Variants in PPP1R9A observed in about 807,000 individuals in gnomAD.
PPP1R9A encodes protein phosphatase 1 regulatory subunit 9A, also known as neurabin-1.
A neutral mutation model predicts 141.9 loss-of-function variants in PPP1R9A; 59 were observed. The ratio of observed to expected loss-of-function variants is 0.42; its 90% CI spans 0.34 to 0.52. PPP1R9A has a LOEUF of 0.52. PPP1R9A is among the 20% of genes least tolerant of loss of function. The pLI is 0.10. For synonymous variants in PPP1R9A, 500 were observed against 569.7 expected (o/e 0.88, Z 1.74); for missense variants, 1,444 against 1,611.9 (o/e 0.90, Z 1.78).
At position 95,090,973 on chromosome 7, in the gene PPP1R9A, A is replaced by G. The variant is rs575856315; in HGVS notation, c.1396-20286A>G. 2.8e-4 allele frequency among the ~76,000 whole-genome samples: 42 copies of G among 152,168 alleles called. No homozygotes were observed. The South Asian group carries it at 8.7e-3, about 31-fold the overall frequency. ...TTTCTGTGTCACTGAATAACCTTAT[A>G]GAGCATGATTTTTAGGATACATCTA... On this transcript the variant is annotated intron_variant, in intron 2 of 19. Coordinates refer to ENST00000433360, the MANE Select transcript of PPP1R9A (RefSeq NM_001166160.2).
chr7:94,926,363 A>G (rs1190500087), intron 2 of PPP1R9A, among the ~76,000 whole-genome samples: 1 of 152,194 alleles, frequency 6.6e-6, no homozygotes, highest in Non-Finnish European at 1.5e-5. Context: ...TTGAGATATA[A>G]CTATGGAAGC....
At chr7:95,273,092 T>G (rs1257465713) in intron 14 of PPP1R9A, among the ~76,000 whole-genome samples, 1 of 152,128 alleles carries the variant, frequency 6.6e-6, no homozygotes, top group African/African-American at 2.4e-5. Flanking sequence ...TGAACTCCAT[T>G]TGCAAAGCCT....
chr7:95,155,555 G>C (rs1283257050), intron 4 of PPP1R9A: 1 of 152,072 alleles, frequency 6.6e-6, no homozygotes, highest in African/African-American at 2.4e-5. Flanking sequence ...AGCTCCTGAA[G>C]TACATTTCTG....
chr7:95,119,933 A>G (rs1822229437), intron 3 of PPP1R9A, among the ~76,000 whole-genome samples: 1 of 149,874 alleles, frequency 6.7e-6, no homozygotes. Flanking sequence ...AGCACAGAGG[A>G]AAGTACTCAA....
At chr7:95,169,948 G>A (rs918958771) in intron 5 of PPP1R9A, among the ~76,000 whole-genome samples, 1 of 151,738 alleles carries the variant, frequency 6.6e-6, no homozygotes, top group Non-Finnish European at 1.5e-5. Flanking sequence ...AATAAAAGCA[G>A]TAGATGAAAA....
At chr7:95,221,732 A>T (rs1300462240) in intron 7 of PPP1R9A, among the ~76,000 whole-genome samples, 5 of 151,990 alleles carry the variant, frequency 3.3e-5, no homozygotes, top group African/African-American at 1.2e-4. Context: ...AGAGGGGAAA[A>T]CCATAAAATT....
chr7:94,996,649 A>G (rs1802206565), intron 2 of PPP1R9A, among the ~76,000 whole-genome samples: 1 of 152,276 alleles, frequency 6.6e-6, no homozygotes, highest in Admixed American at 6.5e-5. Flanking sequence ...GATTCAAAGT[A>G]CACATATGTC....
chr7:95,179,031 G>A (rs10271563), intron 5 of PPP1R9A, among the ~76,000 whole-genome samples: 21,770 of 151,838 alleles, frequency 0.14, 1,707 homozygotes, highest in African/African-American at 0.19. Flanking sequence ...CTATGAAGCC[G>A]GCATCACCCT....
intron 14 of PPP1R9A, among the ~76,000 whole-genome samples, chr7:95,273,341 C>CT (rs1802529355): frequency 1.3e-5 from 2 of 152,230 alleles, no homozygotes; most frequent in South Asian, 4.1e-4. Flanking sequence ...ATGTCCTCCC[C>CT]TCCTCTGTTC....
intron 5 of PPP1R9A, among the ~76,000 whole-genome samples, chr7:95,181,372 A>C (rs1236350977): frequency 7.3e-6 from 1 of 137,138 alleles, no homozygotes; most frequent in Non-Finnish European, 1.5e-5. Context: ...TATGTATGGA[A>C]TATATAGAGA....
chr7:95,283,184 T>A (rs1353127706), intron 16 of PPP1R9A, among the ~76,000 whole-genome samples: 5 of 152,208 alleles, frequency 3.3e-5, no homozygotes, highest in African/African-American at 1.2e-4. Flanking sequence ...CAAAAGATAA[T>A]TACAGATATG....
intron 8 of PPP1R9A, among the ~76,000 whole-genome samples, chr7:95,240,950 G>A (rs1797364273): frequency 7.5e-4 from 1 of 1,336 alleles, no homozygotes; most frequent in Admixed American, 0.01. Flanking sequence ...TCTTTTAGTA[G>A]GTTAGTCAGT....
chr7:95,091,764 T>C (rs970617757), intron 2 of PPP1R9A, among the ~76,000 whole-genome samples: 1 of 151,870 alleles, frequency 6.6e-6, no homozygotes, highest in South Asian at 2.1e-4. Flanking sequence ...GGGCAGGGCA[T>C]GTGTTGTTTA....
At chr7:94,949,644 A>G (rs546079346) in intron 2 of PPP1R9A, among the ~76,000 whole-genome samples, 1 of 152,176 alleles carries the variant, frequency 6.6e-6, no homozygotes, top group South Asian at 2.1e-4. Flanking sequence ...GAGCCTTTTA[A>G]TGACAGTGCT....
intron 2 of PPP1R9A, among the ~76,000 whole-genome samples, chr7:94,966,732 G>A (rs1798259438): frequency 6.6e-6 from 1 of 152,144 alleles, no homozygotes; most frequent in Non-Finnish European, 1.5e-5. Flanking sequence ...TTTTATTGAG[G>A]ATTTTCGTAT....
At chr7:95,052,386 G>A (rs41401247) in intron 2 of PPP1R9A, among the ~76,000 whole-genome samples, 7,043 of 152,178 alleles carry the variant, frequency 0.046, 507 homozygotes, top group African/African-American at 0.15. Context: ...AAAAGTGGAA[G>A]GATTGAAGAG....
chr7:95,166,431 T>C (rs1831278836), intron 5 of PPP1R9A, among the ~76,000 whole-genome samples: 1 of 152,142 alleles, frequency 6.6e-6, no homozygotes, highest in South Asian at 2.1e-4. Flanking sequence ...AATTTCTGGA[T>C]ACATATATGT....
chr7:95,101,794 C>T (rs868776089), intron 2 of PPP1R9A, among the ~76,000 whole-genome samples: 36 of 152,280 alleles, frequency 2.4e-4, no homozygotes, highest in Middle Eastern at 6.8e-3. Flanking sequence ...TTGACCTTTA[C>T]TTTCTCTTTT....
At chr7:95,224,012 A>G (rs1032691980) in intron 7 of PPP1R9A, among the ~76,000 whole-genome samples, 11 of 152,080 alleles carry the variant, frequency 7.2e-5, no homozygotes, top group South Asian at 2.1e-4. Context: ...AAGAAAAAAA[A>G]AAGCCAAATC....
Sources: gnomAD v4.1 joint callset for allele counts (sites outside exome capture counted in the v4.1 genomes callset) on GRCh38, gnomAD v4.1.1 for gene constraint, MANE v1.5 for transcripts, NCBI Gene and HGNC (gene_info 2026-07-23, HGNC 2026-07-21) for gene names.